Variants in SCN7A observed in about 807,000 individuals in gnomAD.
SCN7A encodes sodium channel protein type 7 subunit alpha.
In SCN7A, 138 loss-of-function variants were observed where a neutral mutation model predicts 155.2. The observed-to-expected ratio is 0.89, with a 90% confidence interval of 0.77 to 1.02. SCN7A has a LOEUF of 1.02. SCN7A is among the 50% of genes least tolerant of loss of function. The pLI is 0.00. For synonymous variants in SCN7A, 693 were observed against 649.0 expected (o/e 1.07, Z -1.03); for missense variants, 2,058 against 1,986.6 (o/e 1.04, Z -0.68).
intron 11 of SCN7A, 39 bp downstream of exon 11, chr2:166,456,815 TATATATATATATATAG>T (rs1187903005): frequency 3.1e-5 from 14 of 453,306 alleles, no homozygotes; most frequent in Middle Eastern, 6.6e-4. Flanking sequence ...TATATATATA[TATATATATATATATAG>T]ATAGATAGAT....
At chr2:166,440,973 C>A in intron 15 of SCN7A, 1 of 209,722 alleles carries the variant, frequency 4.8e-6, no homozygotes, top group Non-Finnish European at 9.4e-6. Context: ...CAGGAGATTC[C>A]ATTACACTAC....
Position 166,465,844 on chromosome 2 carries a change from A to T in SCN7A, c.808T>A (p.Trp270Arg). The T allele has an allele frequency of 6.2e-7, 1 of 1,613,862 alleles. No homozygotes were observed. Among genetic ancestry groups the T allele is most frequent in the Non-Finnish European group, 8.5e-7 (1 of 1,179,852 alleles). The change falls in exon 8 of 26, where the codon TGG becomes AGG. Residue 270 changes from tryptophan (W) to arginine (R), a missense_variant. Transcript: ENST00000643258. ...MGNLKHKCFR[W>R]PQENENETLH... The stretch of plus-strand genomic sequence containing the variant: ...GTTTCATTTTCATTCTCTTGGGGCC[A>T]TCGAAAACATTTATGTTTCAAGTTG...
At chr2:166,415,307 C>T (rs932631586) in intron 21 of SCN7A, among the ~76,000 whole-genome samples, 36 of 150,994 alleles carry the variant, frequency 2.4e-4, no homozygotes, top group East Asian at 2.0e-4. Context: ...TCACTGCAAC[C>T]TCCGCCTCCT....
chr2:166,465,994 A>G lies in SCN7A; in HGVS notation c.665-7T>C. The G allele has an allele frequency of 1.3e-6, 2 of 1,597,966 alleles. No individual in the cohort carries two copies. The highest frequency in any genetic ancestry group is 8.5e-7 in the Non-Finnish European group (1 of 1,170,874). ...CCTACAAGGGATTTCAGACCTGGAA[A>G]GAGAAACATTTGTTTTCGAAATAAT... On this transcript the variant is annotated splice_polypyrimidine_tract_variant and splice_region_variant and intron_variant, in intron 7 of 25. Transcript: ENST00000643258.
intron 15 of SCN7A, among the ~76,000 whole-genome samples, chr2:166,439,055 G>GTGTATATATATATATATATATA (rs375208870): frequency 5.3e-5 from 6 of 113,412 alleles, no homozygotes; most frequent in African/African-American, 1.1e-4. Context: ...GTGTGTGTGT[G>GTGTATATATATATATATATATA]TATATATATA....
intron 2 of SCN7A, among the ~76,000 whole-genome samples, chr2:166,483,785 C>G (rs531783529): frequency 1.3e-5 from 2 of 151,764 alleles, no homozygotes; most frequent in Non-Finnish European, 2.9e-5. Context: ...TAAATAAAAA[C>G]GTTTACACTT....
chr2:166,455,786 G>A (rs993443509), intron 11 of SCN7A, among the ~76,000 whole-genome samples: 1 of 152,140 alleles, frequency 6.6e-6, no homozygotes, highest in South Asian at 2.1e-4. Flanking sequence ...GGCCCTTTCT[G>A]CATCTATTGA....
chr2:166,423,302 T>C lies in SCN7A; in HGVS notation c.2984A>G (p.Tyr995Cys), dbSNP rs1178553745. 2.5e-6 allele frequency: 4 copies of C among 1,611,624 alleles called. No homozygotes were observed. The highest frequency in any genetic ancestry group is 2.2e-5 in the East Asian group (1 of 44,804). Residue 995 changes from tyrosine (Y) to cysteine (C), a missense_variant, in exon 19 of 26, where the codon TAT becomes TGT. Transcript: ENST00000643258. ...CAGCCTGTACCAGCCATTAGAGAAA[T>C]AGGCCTTAAAACCATATGCCATCCA... ...LKWMAYGFKA[Y>C]FSNGWYRLDF...
chr2:166,459,618 G>A (rs1301652691), intron 10 of SCN7A, among the ~76,000 whole-genome samples: 2 of 152,068 alleles, frequency 1.3e-5, no homozygotes, highest in African/African-American at 2.4e-5. Flanking sequence ...TTCAGTTTAA[G>A]GCAATGTTCA....
intron 17 of SCN7A, 65 bp downstream of exon 17, chr2:166,429,103 AC>A (rs750368598): frequency 3.6e-6 from 3 of 835,760 alleles, no homozygotes; most frequent in Non-Finnish European, 3.8e-6. Context: ...TGGATATGGA[AC>A]ATATACATTT....
intron 10 of SCN7A, among the ~76,000 whole-genome samples, chr2:166,460,330 T>A (rs763076714): frequency 7.9e-5 from 12 of 152,312 alleles, no homozygotes; most frequent in Non-Finnish European, 1.8e-4. Context: ...TACAGTGATA[T>A]AGCCCATACA....
In SCN7A at chr2:166,456,853, T is replaced by TAGATAGATAGAC; in HGVS notation, c.1290+16_1290+17insGTCTATCTATCT. On this transcript the variant is annotated intron_variant, in intron 11 of 25. Transcript: ENST00000643258. The stretch of plus-strand genomic sequence containing the variant: ...ATAGATAGATAGATAGATAGATAGA[T>TAGATAGATAGAC]AGATAGATATAGATACCTCATCTGT... The TAGATAGATAGAC allele has an allele frequency of 7.9e-7, 1 of 1,269,488 alleles. No individual in the cohort carries two copies. The highest frequency in any genetic ancestry group is 1.1e-6 in the Non-Finnish European group (1 of 899,112). The allele number at this position is 1,269,488 out of a possible 1,614,324, so 78.6% of individuals were successfully genotyped here.
At chr2:166,458,659 T>G (rs2105469709) in intron 10 of SCN7A, among the ~76,000 whole-genome samples, 1 of 152,316 alleles carries the variant, frequency 6.6e-6, no homozygotes, top group South Asian at 2.1e-4. Flanking sequence ...GTATCTTTTA[T>G]ATGCCTACCT....
chr2:166,481,431 T>C (rs757082770), intron 2 of SCN7A, among the ~76,000 whole-genome samples: 7 of 152,172 alleles, frequency 4.6e-5, no homozygotes, highest in Admixed American at 1.3e-4. Context: ...AAAAATATAA[T>C]AGAAATACTT....
intron 15 of SCN7A, among the ~76,000 whole-genome samples, chr2:166,433,608 T>C (rs1200334700): frequency 6.6e-6 from 1 of 152,152 alleles, no homozygotes; most frequent in African/African-American, 2.4e-5. Flanking sequence ...AAAGCTTATT[T>C]TCTCACTGAG....
At chr2:166,488,686 G>A (rs1575072219) in intron 1 of SCN7A, among the ~76,000 whole-genome samples, 1 of 150,782 alleles carries the variant, frequency 6.6e-6, no homozygotes, top group East Asian at 2.0e-4. Context: ...TGCCCAGGCT[G>A]GAGAGCAGCG....
At chr2:166,448,095 C>T (rs933096020) in intron 11 of SCN7A, among the ~76,000 whole-genome samples, 3 of 152,112 alleles carry the variant, frequency 2.0e-5, no homozygotes, top group Admixed American at 6.6e-5. Context: ...CATTGGCTAA[C>T]CTCTCTTCAT....
rs1702296860 is a variant in SCN7A at position 166,456,947 on chromosome 2, C to T, written c.1213G>A (p.Gly405Ser). 16 of 1,585,314 alleles carry T rather than the reference C, an allele frequency of 1.0e-5. No individual in the cohort carries two copies. The highest frequency in any genetic ancestry group is 1.2e-5 in the Non-Finnish European group (14 of 1,165,200). The change falls in exon 11 of 26, where the codon GGT becomes AGT. Residue 405 changes from glycine to serine, a missense_variant. Physicochemically the swap from Gly to Ser is moderately conservative, Grantham distance 56. Transcript: ENST00000643258. ...GGTTCAATCTTCTTAGATATTTCAC[C>T]AACTCTCTGCTTTTCTTCTTCATAG... ...MAYEEEKQRV[G>S]EISKKIEPKF...
At position 166,427,878 on chromosome 2, in the gene SCN7A, C is replaced by A; in HGVS notation, c.2763G>T (p.Gln921His). ...TCTTGCAGCAGGTTTTCCTGATGTT[C>A]TGCCAGATTTTTCCTTTCTTGGATG... ...SGASKKGKIW[Q>H]NIRKTCCKIV... Residue 921 changes from glutamine to histidine, a missense_variant, in exon 18 of 26, where the codon CAG (glutamine) becomes CAT (histidine). Coordinates refer to ENST00000643258, the MANE Select transcript of SCN7A (RefSeq NM_002976.4). 1.2e-6 allele frequency: 2 copies of A among 1,612,866 alleles called. No individual in the cohort carries two copies. The highest frequency in any genetic ancestry group is 1.7e-6 in the Non-Finnish European group (2 of 1,179,308).
Sources: gnomAD v4.1 joint callset for allele counts (sites outside exome capture counted in the v4.1 genomes callset) on GRCh38, gnomAD v4.1.1 for gene constraint, MANE v1.5 for transcripts, NCBI Gene and HGNC (gene_info 2026-07-23, HGNC 2026-07-21) for gene names.